The following ANGPT4 variants were observed in gnomAD, a reference collection of about 807,000 sequenced individuals.
The protein encoded by ANGPT4 is angiopoietin-4.
In ANGPT4, 50 loss-of-function variants were observed where a neutral mutation model predicts 53.0. The ratio of observed to expected loss-of-function variants is 0.94; its 90% CI spans 0.75 to 1.20. The LOEUF (loss-of-function observed/expected upper bound fraction) is 1.20, where lower values mean the gene tolerates loss of function less well. Ranked by LOEUF, ANGPT4 falls within the 50% of genes most tolerant of loss-of-function variation. The probability of loss-of-function intolerance (pLI) is 0.00; values close to 1 mark genes in which losing one functional copy is unlikely to be tolerated. For synonymous variants in ANGPT4, 251 were observed against 259.7 expected (o/e 0.97, Z 0.32); for missense variants, 648 against 637.1 (o/e 1.02, Z -0.18).
chr20:879,599 G>T, intron 6 of ANGPT4, 148 bp downstream of exon 6: 3 of 441,988 alleles, frequency 6.8e-6, no homozygotes, highest in Non-Finnish European at 1.2e-5. Flanking sequence ...AGGTGATGGG[G>T]TCCCATAAAG....
chr20:908,925 C>A lies in ANGPT4; in HGVS notation c.309+6981G>T, dbSNP rs995617732. Reference sequence around the variant, plus strand: ...AGGGGTCTCAGCTGGGTGTCAGGAACCCTGGGTTCTGGGCCAACTCCTGCC... The same window carrying A: ...AGGGGTCTCAGCTGGGTGTCAGGAAACCTGGGTTCTGGGCCAACTCCTGCC... On this transcript the variant is annotated intron_variant, in intron 1 of 8. Transcript: ENST00000381922. The surrounding 1 kb of genome is among the most constrained non-coding windows in gnomAD (Gnocchi z 4.9). 6.6e-6 allele frequency among the ~76,000 whole-genome samples: 1 copy of A among 152,098 alleles called. No homozygotes were observed. The highest frequency in any genetic ancestry group is 2.4e-5 in the African/African-American group (1 of 41,402).
chr20:899,622 A>G (rs1435840585), intron 1 of ANGPT4, among the ~76,000 whole-genome samples: 1 of 152,120 alleles, frequency 6.6e-6, no homozygotes, highest in Non-Finnish European at 1.5e-5. Context: ...TTAGGCCAAG[A>G]CATTTTAACC....
intron 5 of ANGPT4, 123 bp from the exon 6 acceptor site, chr20:879,971 C>G (rs752216768): frequency 1.9e-6 from 1 of 533,778 alleles, no homozygotes; most frequent in East Asian, 3.3e-5. Context: ...CCTGGGGGTC[C>G]TGGGCATCAG....
intron 1 of ANGPT4, among the ~76,000 whole-genome samples, chr20:891,834 T>C (rs1981859190): frequency 6.6e-6 from 1 of 152,208 alleles, no homozygotes; most frequent in Admixed American, 6.5e-5. Flanking sequence ...GTAGTAGTAC[T>C]GGTTAGAGCT....
chr20:891,179 G>A (rs1488209558), intron 1 of ANGPT4, among the ~76,000 whole-genome samples: 1 of 152,196 alleles, frequency 6.6e-6, no homozygotes, highest in African/African-American at 2.4e-5. Context: ...CCAATCACAT[G>A]CCCCTTCACC....
In ANGPT4 at chr20:872,967, T is replaced by C; in HGVS notation, c.1505A>G (p.Asp502Gly). The change falls in exon 9 of 9, where the codon GAC becomes GGC. Residue 502 changes from aspartate (D) to glycine (G), a missense_variant. Transcript: ENST00000381922. ...CTCTGGCACAGCTGCTCGTTAGATGTCCAAAGGCCGTATCATCATGCGAGA... is the reference window on the plus strand; with the variant it reads ...CTCTGGCACAGCTGCTCGTTAGATGCCCAAAGGCCGTATCATCATGCGAGA... ...RASRMMIRPL[D>G]I 1 of 1,613,948 alleles carries C rather than the reference T, an allele frequency of 6.2e-7. No individual in the cohort carries two copies. Among genetic ancestry groups the C allele is most frequent in the Non-Finnish European group, 8.5e-7 (1 of 1,179,982 alleles).
At chr20:896,884 A>C (rs550661900) in intron 1 of ANGPT4, among the ~76,000 whole-genome samples, 2 of 152,166 alleles carry the variant, frequency 1.3e-5, no homozygotes, top group East Asian at 3.9e-4. Context: ...ATGTGTCAGG[A>C]CTCTGAGCCC....
chr20:910,837 CA>C (rs1458747289), intron 1 of ANGPT4, among the ~76,000 whole-genome samples: 2 of 152,120 alleles, frequency 1.3e-5, no homozygotes, highest in African/African-American at 4.8e-5. Context: ...CACCTCATCC[CA>C]GGCATGAGCC....
intron 1 of ANGPT4, among the ~76,000 whole-genome samples, chr20:910,590 C>T (rs1600066255): frequency 6.6e-6 from 1 of 152,254 alleles, no homozygotes; most frequent in East Asian, 1.9e-4. Context: ...ACTGGAGGTG[C>T]AGGCTTAGGG....
chr20:897,160 T>A (rs574403412), intron 1 of ANGPT4, among the ~76,000 whole-genome samples: 1 of 152,308 alleles, frequency 6.6e-6, no homozygotes, highest in East Asian at 1.9e-4. Context: ...TCAGTCCACC[T>A]GCACCCAGGT....
At chr20:900,307 C>G (rs757793990) in intron 1 of ANGPT4, among the ~76,000 whole-genome samples, 1 of 152,168 alleles carries the variant, frequency 6.6e-6, no homozygotes, top group Non-Finnish European at 1.5e-5. Flanking sequence ...GAAAATTGAA[C>G]CTCCTCCTCT....
chr20:912,709 G>C (rs775587762), intron 1 of ANGPT4, among the ~76,000 whole-genome samples: 3 of 152,026 alleles, frequency 2.0e-5, no homozygotes, highest in Non-Finnish European at 4.4e-5. Context: ...GAGAGAAGAG[G>C]TGAGGCCGGG....
chr20:904,257 T>C (rs76825729), intron 1 of ANGPT4, among the ~76,000 whole-genome samples: 1,916 of 152,348 alleles, frequency 0.013, 35 homozygotes, highest in African/African-American at 0.032. Context: ...AGAAACGCTA[T>C]GCATACTTCT....
rs371774934 is a variant in ANGPT4 at position 908,302 on chromosome 20, G to A, written c.309+7604C>T. The stretch of plus-strand genomic sequence containing the variant: ...GTCTCATCTTGGCCATGCTCTCCTC[G>A]CTCTCTGCACTGTAGACACACTGAA... On this transcript the variant is annotated intron_variant, in intron 1 of 8. Coordinates refer to ENST00000381922, the MANE Select transcript of ANGPT4 (RefSeq NM_015985.4). This position sits in a 1 kb window ranked among gnomAD's most constrained non-coding sequence, Gnocchi z 4.9. Among the ~76,000 whole-genome samples the A allele has an allele frequency of 5.2e-4, 79 of 152,228 alleles. No individual in the cohort carries two copies. Among genetic ancestry groups the A allele is most frequent in the East Asian group, 3.3e-3 (17 of 5,174 alleles).
chr20:910,649 G>A (rs956874508), intron 1 of ANGPT4, among the ~76,000 whole-genome samples: 2 of 152,220 alleles, frequency 1.3e-5, no homozygotes, highest in Admixed American at 6.5e-5. Context: ...AGGAGAAGGA[G>A]AAGAAGGTCT....
At chr20:875,061 C>T (rs559846754) in intron 7 of ANGPT4, among the ~76,000 whole-genome samples, 9 of 152,022 alleles carry the variant, frequency 5.9e-5, no homozygotes, top group South Asian at 4.1e-4. Flanking sequence ...TTTGCATCTA[C>T]TATGTGTTCA....
chr20:893,222 C>T (rs1411030234), intron 1 of ANGPT4, among the ~76,000 whole-genome samples: 1 of 152,230 alleles, frequency 6.6e-6, no homozygotes. Context: ...TCACAAACCA[C>T]AGCCATACTA....
intron 4 of ANGPT4, among the ~76,000 whole-genome samples, chr20:882,683 G>C (rs1185737339): frequency 6.6e-6 from 1 of 152,200 alleles, no homozygotes; most frequent in Non-Finnish European, 1.5e-5. Context: ...GGTGAGCAGG[G>C]ATGGGCTGAA....
In ANGPT4 at chr20:872,693, A is replaced by T; in HGVS notation, c.*267T>A. ...GCCCATTCAAGGTACTGTGACCCTC[A>T]GGCAGGGAGCCCCTGAAGGGGGAGG... On this transcript the variant is annotated 3_prime_UTR_variant, in exon 9 of 9. Transcript: ENST00000381922. 2.1e-6 allele frequency: 1 copy of T among 469,420 alleles called. No homozygotes were observed. Among genetic ancestry groups the T allele is most frequent in the South Asian group, 2.5e-5 (1 of 40,538 alleles). 29.1% of individuals were successfully genotyped at this position (469,420 alleles called of 1,614,324 possible). A position where few individuals can be genotyped will look rare whatever the true frequency, so the allele number is the denominator to read the frequency against.
Sources: allele counts gnomAD v4.1 joint callset (sites outside exome capture counted in the v4.1 genomes callset), GRCh38; gene constraint gnomAD v4.1.1; non-coding constraint Gnocchi (gnomAD v3.1); transcripts MANE v1.5; gene names NCBI Gene and HGNC (gene_info 2026-07-23, HGNC 2026-07-21).